The following YY1 variants were observed in gnomAD, a reference collection of about 807,000 sequenced individuals.
YY1 encodes transcriptional repressor protein YY1.
A neutral mutation model predicts 35.6 loss-of-function variants in YY1; 2 were observed. The observed-to-expected ratio is 0.06, with a 90% CI of 0.02 to 0.18. The LOEUF (loss-of-function observed/expected upper bound fraction) is 0.18, where lower values mean the gene tolerates loss of function less well. YY1 is among the 10% of genes least tolerant of loss of function. The pLI is 1.00. For missense variants in YY1, 322 were observed against 573.4 expected, an observed-to-expected ratio of 0.56 and a Z score of 4.48; for synonymous variants, 268 against 238.9, an observed-to-expected ratio of 1.12 and a Z score of -1.12.
chr14:100,250,036 G>A (rs1316651738), intron 1 of YY1, among the ~76,000 whole-genome samples: 1 of 152,208 alleles, frequency 6.6e-6, no homozygotes, highest in Non-Finnish European at 1.5e-5. Context: ...GCCTTCCAAA[G>A]TGCTGGGATT....
rs180983861 is a variant in YY1, at chr14:100,243,825, G to A, written c.679+3902G>A. Among the ~76,000 whole-genome samples the A allele has an allele frequency of 1.1e-3, 174 of 151,392 alleles. 1 individual carries two copies. Among genetic ancestry groups the A allele is most frequent in the African/African-American group, 3.9e-3 (159 of 41,120 alleles). ...CTGTCAAAAAAAAAAAAAAAAATTG[G>A]CCGGGCGCGGTGGCTGACGCCTGTA... On this transcript the variant is annotated intron_variant, in intron 1 of 4. Coordinates refer to ENST00000262238, the MANE Select transcript of YY1 (RefSeq NM_003403.5).
intron 2 of YY1, among the ~76,000 whole-genome samples, chr14:100,268,891 C>G (rs1891192268): frequency 6.6e-6 from 1 of 152,202 alleles, no homozygotes; most frequent in African/African-American, 2.4e-5. Flanking sequence ...AATGTTTCAT[C>G]TCCCTTTCTG....
chr14:100,250,074 A>G (rs1402237458), intron 1 of YY1, among the ~76,000 whole-genome samples: 1 of 152,216 alleles, frequency 6.6e-6, no homozygotes, highest in Non-Finnish European at 1.5e-5. Flanking sequence ...CACCCGGCCT[A>G]CTTACTGCTC....
At chr14:100,266,694 C>T (rs1327251704) in intron 2 of YY1, among the ~76,000 whole-genome samples, 2 of 152,078 alleles carry the variant, frequency 1.3e-5, no homozygotes, top group African/African-American at 2.4e-5. Flanking sequence ...TAAGATAGGC[C>T]ATCAAGTGGA....
At position 100,239,421 on chromosome 14, in the gene YY1, C is replaced by T. The variant is rs1305226223; in HGVS notation, c.177C>T (p.His59=). The T allele has an allele frequency of 6.3e-7, 1 of 1,594,918 alleles. No individual in the cohort carries two copies. The highest frequency in any genetic ancestry group is 1.1e-5 in the South Asian group (1 of 89,828). Residue 59 remains histidine (H), a synonymous_variant, in exon 1 of 5, where the codon CAC becomes CAT. Coordinates refer to ENST00000262238, the MANE Select transcript of YY1 (RefSeq NM_003403.5). The part of the protein sequence containing the change: ...DDDEDGGGGD[H]GGGGGHGHAG... Reference sequence around the variant, plus strand: ...ACGAGGACGGCGGCGGTGGCGACCACGGCGGCGGGGGCGGCCACGGGCACG... The same window carrying T: ...ACGAGGACGGCGGCGGTGGCGACCATGGCGGCGGGGGCGGCCACGGGCACG...
chr14:100,276,114 G>A lies in YY1; in HGVS notation c.904-376G>A. ...CCGTCATTTTAACTCCATTTGCTTA[G>A]CAGTGCTTCTGTTACTTCATTTTGG... On this transcript the variant is annotated intron_variant, in intron 3 of 4. Transcript: ENST00000262238. This position sits in a 1 kb window ranked among gnomAD's most constrained non-coding sequence, Gnocchi z 4.1. 1 of 325,958 alleles carries A rather than the reference G, an allele frequency of 3.1e-6. No homozygotes were observed. The highest frequency in any genetic ancestry group is 2.6e-5 in the South Asian group (1 of 37,900). The allele number at this position is 325,958 out of a possible 1,614,324, so 20.2% of individuals were successfully genotyped here.
intron 2 of YY1, among the ~76,000 whole-genome samples, 178 bp downstream of exon 2, chr14:100,262,644 C>G (rs1430261051): frequency 6.6e-6 from 1 of 152,110 alleles, no homozygotes; most frequent in Admixed American, 6.6e-5. Context: ...TGAGATGGAG[C>G]CTCGCTCTGT....
At chr14:100,265,570 C>T (rs1891141473) in intron 2 of YY1, among the ~76,000 whole-genome samples, 2 of 151,814 alleles carry the variant, frequency 1.3e-5, no homozygotes, top group Admixed American at 1.3e-4. Flanking sequence ...ACCTCAAGTC[C>T]AACATGGATG....
chr14:100,275,423 G>T (rs1595333976), intron 3 of YY1, among the ~76,000 whole-genome samples: 1 of 152,188 alleles, frequency 6.6e-6, no homozygotes, highest in East Asian at 1.9e-4. Flanking sequence ...GCACTAGCAA[G>T]TCCTTCCTGT....
rs769652713 is a variant in YY1 at position 100,239,460 on chromosome 14, C to G, written c.216C>G (p.His72Gln). 1.6e-4 allele frequency: 255 copies of G among 1,600,994 alleles called. No homozygotes were observed. The highest frequency in any genetic ancestry group is 6.1e-5 in the Non-Finnish European group (72 of 1,175,806). ...GGGHGHAGHHHHHHHHHHHPP... is the reference protein window; with the variant it reads ...GGGHGHAGHHQHHHHHHHHPP... Reference sequence around the variant, plus strand: ...GCCACGGGCACGCCGGCCACCACCACCACCACCATCACCACCACCACCACC... The same window carrying G: ...GCCACGGGCACGCCGGCCACCACCAGCACCACCATCACCACCACCACCACC... Residue 72 changes from histidine (H) to glutamine (Q), a missense_variant, in exon 1 of 5, where the codon CAC becomes CAG. Physicochemically the swap from His to Gln is conservative, Grantham distance 24. Coordinates refer to ENST00000262238, the MANE Select transcript of YY1 (RefSeq NM_003403.5).
In YY1 at chr14:100,277,039, C is replaced by A; in HGVS notation, c.1063-379C>A. On this transcript the variant is annotated intron_variant, in intron 4 of 4. Transcript: ENST00000262238. The surrounding 1 kb of genome is among the most constrained non-coding windows in gnomAD (Gnocchi z 5.6). The stretch of plus-strand genomic sequence containing the variant: ...GTGTAAGTATAGGTAATACTTTAGC[C>A]CATAAATAAGTGAAAGAACTAGCAG... 1 of 407,496 alleles carries A rather than the reference C, an allele frequency of 2.5e-6. No individual in the cohort carries two copies. Among genetic ancestry groups the A allele is most frequent in the Non-Finnish European group, 4.5e-6 (1 of 220,754 alleles). The allele number at this position is 407,496 out of a possible 1,614,324, so 25.2% of individuals were successfully genotyped here.
chr14:100,257,592 C>G (rs1452180069), intron 1 of YY1, among the ~76,000 whole-genome samples: 2 of 150,682 alleles, frequency 1.3e-5, no homozygotes, highest in Admixed American at 1.3e-4. Context: ...CTCCAGAGTG[C>G]TAGCCCTCTG....
chr14:100,260,446 TACAC>T (rs71113252), intron 1 of YY1, among the ~76,000 whole-genome samples: 1 of 139,372 alleles, frequency 7.2e-6, no homozygotes, highest in African/African-American at 2.7e-5. Context: ...TATATATATA[TACAC>T]ACACACACAC....
intron 2 of YY1, among the ~76,000 whole-genome samples, chr14:100,268,001 C>CG (rs1003632921): frequency 3.8e-4 from 58 of 152,312 alleles, no homozygotes; most frequent in African/African-American, 1.3e-3. Flanking sequence ...GCCCGGGACT[C>CG]TGAGAGCAGA....
rs750909657 is a variant in YY1 at position 100,277,378 on chromosome 14, G to A, written c.1063-40G>A. 1.1e-4 allele frequency: 170 copies of A among 1,613,498 alleles called. No homozygotes were observed. Among genetic ancestry groups the A allele is most frequent in the Non-Finnish European group, 1.3e-4 (158 of 1,179,552 alleles). ...GCTCCTGACTCCCAGGGTCTGGTCA[G>A]AGTTGCTGAGTGGGTTGATCTCTGG... On this transcript the variant is annotated intron_variant, in intron 4 of 4. Transcript: ENST00000262238. This position sits in a 1 kb window ranked among gnomAD's most constrained non-coding sequence, Gnocchi z 5.6.
chr14:100,247,045 G>C (rs79479916), intron 1 of YY1, among the ~76,000 whole-genome samples: 1 of 152,132 alleles, frequency 6.6e-6, no homozygotes, highest in Non-Finnish European at 1.5e-5. Flanking sequence ...AGAAAAATCC[G>C]TATCAGGAAA....
At position 100,262,345 on chromosome 14, in the gene YY1, C is replaced by G; in HGVS notation, c.721C>G (p.Gln241Glu). The G allele has an allele frequency of 6.2e-7, 1 of 1,614,018 alleles. No homozygotes were observed. Residue 241 changes from glutamine (Q) to glutamate (E), a missense_variant, in exon 2 of 5, where the codon CAG becomes GAG. Coordinates refer to ENST00000262238, the MANE Select transcript of YY1 (RefSeq NM_003403.5). ...TGACCATGAGACAGTGGTTGAAGAA[C>G]AGATCATTGGAGAGAACTCACCTCC... ...DIDHETVVEE[Q>E]IIGENSPPDY...
chr14:100,249,189 G>A (rs911790632), intron 1 of YY1, among the ~76,000 whole-genome samples: 4 of 123,502 alleles, frequency 3.2e-5, no homozygotes, highest in Non-Finnish European at 6.3e-5. Context: ...GCACGATCTC[G>A]GCTCACCTGC....
At position 100,280,059 on chromosome 14, in the gene YY1, G is replaced by T. The variant is rs1040348098; in HGVS notation, c.*2459G>T. 1 of 152,266 alleles carries T rather than the reference G, an allele frequency of 6.6e-6. No individual in the cohort carries two copies. The highest frequency in any genetic ancestry group is 2.4e-5 in the African/African-American group (1 of 41,468). The allele number at this position is 152,266 out of a possible 1,614,324, so 9.4% of individuals were successfully genotyped here. ...TCTGCAGAGTTAACTTCTGTAAGGA[G>T]TTTAATCTGGGGTTCCAAGAAAACA... is the stretch of plus-strand genomic sequence containing the variant. On this transcript the variant is annotated 3_prime_UTR_variant, in exon 5 of 5. Transcript: ENST00000262238.
Sources: gnomAD v4.1 joint callset for allele counts (sites outside exome capture counted in the v4.1 genomes callset) on GRCh38, gnomAD v4.1.1 for gene constraint, Gnocchi (gnomAD v3.1) non-coding constraint, MANE v1.5 for transcripts, NCBI Gene and HGNC (gene_info 2026-07-23, HGNC 2026-07-21) for gene names.